The following SCG5 variants were observed in gnomAD, a reference collection of about 807,000 sequenced individuals.
SCG5 encodes secretogranin V.
SCG5 carries 18 observed loss-of-function variants against 25.7 expected under a neutral mutation model. That is an observed-to-expected ratio of 0.70 (90% confidence interval 0.48 to 1.04). SCG5 has a LOEUF of 1.04. SCG5 is among the 50% of genes least tolerant of loss of function. SCG5 has a pLI of 0.00. For missense variants in SCG5, 206 were observed against 259.8 expected (o/e 0.79, Z 1.42); for synonymous variants, 101 against 91.7 (o/e 1.10, Z -0.58).
chr15:32,645,148 G>T (rs1011472451), intron 2 of SCG5, among the ~76,000 whole-genome samples: 1 of 152,170 alleles, frequency 6.6e-6, no homozygotes, highest in South Asian at 2.1e-4. Context: ...ATCTGTCACC[G>T]TTACTTCAAG....
chr15:32,672,380 T>A (rs552966515), intron 2 of SCG5, among the ~76,000 whole-genome samples: 3 of 152,344 alleles, frequency 2.0e-5, no homozygotes, highest in Middle Eastern at 3.4e-3. Context: ...TGCGGGCTTG[T>A]CAGGGTGTTC....
chr15:32,671,849 G>A (rs1489180055), intron 2 of SCG5, among the ~76,000 whole-genome samples: 1 of 152,126 alleles, frequency 6.6e-6, no homozygotes, highest in Non-Finnish European at 1.5e-5. Flanking sequence ...GCCTCCAGAA[G>A]GAGCCACCCC....
chr15:32,659,715 G>A (rs965370529), intron 2 of SCG5, among the ~76,000 whole-genome samples: 1 of 152,310 alleles, frequency 6.6e-6, no homozygotes, highest in Non-Finnish European at 1.5e-5. Flanking sequence ...GTGTCAACAA[G>A]CCCTGCACGG....
intron 2 of SCG5, among the ~76,000 whole-genome samples, chr15:32,671,605 C>T (rs990807055): frequency 6.6e-6 from 1 of 151,664 alleles, no homozygotes. Flanking sequence ...AGAAACCAAG[C>T]GCAGATTGTA....
intron 2 of SCG5, among the ~76,000 whole-genome samples, chr15:32,655,254 G>A (rs1041061055): frequency 1.3e-5 from 2 of 151,978 alleles, no homozygotes; most frequent in African/African-American, 4.8e-5. Context: ...CTTGCAGTGA[G>A]CCGAGATCGT....
At chr15:32,671,432 T>C (rs999653758) in intron 2 of SCG5, among the ~76,000 whole-genome samples, 2 of 152,164 alleles carry the variant, frequency 1.3e-5, no homozygotes, top group African/African-American at 4.8e-5. Flanking sequence ...ATCTAAAATA[T>C]GAAGTTCCAC....
At position 32,641,754 on chromosome 15, in the gene SCG5, A is replaced by T. The variant is rs13850; in HGVS notation, c.-32A>T. On this transcript the variant is annotated 5_prime_UTR_variant, in exon 1 of 6. Coordinates refer to ENST00000300175, the MANE Select transcript of SCG5 (RefSeq NM_001144757.3). ...TGACCCCCACCAAGGCCCATACCGC[A>T]GTAGGCTCCTCGGGCTGCCCCTCGG... is the stretch of plus-strand genomic sequence containing the variant. The T allele has an allele frequency of 0.11, 16,695 of 152,322 alleles. 1,122 individuals carry two copies. The highest frequency in any genetic ancestry group is 0.15 in the Non-Finnish European group (10,241 of 68,080). 9.4% of individuals were successfully genotyped at this position (152,322 alleles called of 1,614,324 possible).
intron 4 of SCG5, among the ~76,000 whole-genome samples, chr15:32,688,722 G>C (rs1260665235): frequency 2.0e-5 from 3 of 152,128 alleles, no homozygotes; most frequent in Admixed American, 2.0e-4. Context: ...ACTTTGGGAG[G>C]CCGAGGCAGG....
intron 3 of SCG5, among the ~76,000 whole-genome samples, chr15:32,680,177 T>G (rs747673930): frequency 6.7e-6 from 1 of 149,848 alleles, no homozygotes; most frequent in Non-Finnish European, 1.5e-5. Flanking sequence ...TTGATGCACT[T>G]TTCTGCACTT....
intron 3 of SCG5, among the ~76,000 whole-genome samples, chr15:32,683,594 G>A (rs1376594668): frequency 6.6e-6 from 1 of 152,166 alleles, no homozygotes; most frequent in Non-Finnish European, 1.5e-5. Flanking sequence ...TTATGTGCCG[G>A]GTGTTCTAAA....
chr15:32,667,287 T>C (rs1169176889), intron 2 of SCG5, among the ~76,000 whole-genome samples: 1 of 152,264 alleles, frequency 6.6e-6, no homozygotes, highest in Non-Finnish European at 1.5e-5. Flanking sequence ...TCAATAGTTC[T>C]AGTTAAAAAT....
intron 2 of SCG5, among the ~76,000 whole-genome samples, chr15:32,678,335 T>A (rs1193978453): frequency 6.6e-6 from 1 of 152,352 alleles, no homozygotes; most frequent in East Asian, 1.9e-4. Context: ...CTTTATTATG[T>A]AAAATGTTCA....
At chr15:32,666,611 A>G (rs1263953147) in intron 2 of SCG5, 1 of 152,248 alleles carries the variant, frequency 6.6e-6, no homozygotes, top group Non-Finnish European at 1.5e-5. Flanking sequence ...TCAAAGAGGT[A>G]AGATAACTTG....
intron 2 of SCG5, among the ~76,000 whole-genome samples, chr15:32,667,914 A>T (rs1006187983): frequency 2.6e-5 from 4 of 152,128 alleles, no homozygotes; most frequent in African/African-American, 9.7e-5. Context: ...ACCTCAAGTG[A>T]TCCACCCGCT....
intron 4 of SCG5, among the ~76,000 whole-genome samples, chr15:32,686,097 A>ATTCC: frequency 6.6e-6 from 1 of 152,342 alleles, no homozygotes; most frequent in East Asian, 1.9e-4. Context: ...AAGCAACAAC[A>ATTCC]TTCCTAAGTT....
intron 2 of SCG5, among the ~76,000 whole-genome samples, chr15:32,647,934 C>T (rs2053969543): frequency 6.6e-6 from 1 of 152,156 alleles, no homozygotes; most frequent in Non-Finnish European, 1.5e-5. Context: ...CCTCAATTCT[C>T]TATCTACTTG....
At position 32,684,684 on chromosome 15, in the gene SCG5, A is replaced by C; in HGVS notation, c.489+15A>C. The C allele has an allele frequency of 4.4e-5, 69 of 1,561,860 alleles. No individual in the cohort carries two copies. Among genetic ancestry groups the C allele is most frequent in the Non-Finnish European group, 5.6e-5 (63 of 1,134,582 alleles). On this transcript the variant is annotated intron_variant, in intron 4 of 5. Transcript: ENST00000300175. Reference sequence around the variant, plus strand: ...TGGGCAAGTGGGTAAGTCCTATCTCAATTGTTAGTAGATTTTGCACTTTGG... The same window carrying C: ...TGGGCAAGTGGGTAAGTCCTATCTCCATTGTTAGTAGATTTTGCACTTTGG...
At chr15:32,649,778 G>T (rs541703081) in intron 2 of SCG5, among the ~76,000 whole-genome samples, 1 of 152,094 alleles carries the variant, frequency 6.6e-6, no homozygotes, top group South Asian at 2.1e-4. Flanking sequence ...GACCTACTTG[G>T]CATTACATGA....
chr15:32,686,814 G>A lies in SCG5; in HGVS notation c.489+2145G>A, dbSNP rs145180401. ...GTCTTCAGAGAGCTTATAGTCCCAC[G>A]GTTGAGATGAATTGCATGAAAATGA... On this transcript the variant is annotated intron_variant, in intron 4 of 5. Transcript: ENST00000300175. Among the ~76,000 whole-genome samples, 265 of 152,268 alleles carry A rather than the reference G, an allele frequency of 1.7e-3. 1 individual carries two copies. The highest frequency in any genetic ancestry group is 5.8e-3 in the African/African-American group (240 of 41,540).
Sources: allele counts gnomAD v4.1 joint callset (sites outside exome capture counted in the v4.1 genomes callset), GRCh38; gene constraint gnomAD v4.1.1; transcripts MANE v1.5; gene names NCBI Gene and HGNC (gene_info 2026-07-23, HGNC 2026-07-21).